ANKRD10: variants seen among roughly 807,000 people sequenced by gnomAD.
The protein encoded by ANKRD10 is ankyrin repeat domain 10, also known as ankyrin repeat domain-containing protein 10.
Under a neutral mutation model 27.0 loss-of-function variants are expected in ANKRD10, and 14 were observed. That is an observed-to-expected ratio of 0.52 (90% CI 0.34 to 0.81). The LOEUF (loss-of-function observed/expected upper bound fraction) is 0.81. Ranked by LOEUF, ANKRD10 falls within the 40% of genes least tolerant of loss-of-function variation. ANKRD10 has a pLI of 0.01. For synonymous variants in ANKRD10, 250 were observed against 224.5 expected (o/e 1.11, Z -1.01); for missense variants, 493 against 544.0 (o/e 0.91, Z 0.93).
At chr13:110,911,457 C>T (rs552895797) in intron 1 of ANKRD10, among the ~76,000 whole-genome samples, 1 of 142,388 alleles carries the variant, frequency 7.0e-6, no homozygotes, top group South Asian at 2.3e-4. Context: ...ATCTCAAACA[C>T]CAACACCACC....
chr13:110,887,848 T>G (rs1231452201), intron 4 of ANKRD10, among the ~76,000 whole-genome samples: 1 of 152,180 alleles, frequency 6.6e-6, no homozygotes, highest in African/African-American at 2.4e-5. Flanking sequence ...CTGTGGCCTT[T>G]CCACTGAACT....
In ANKRD10 at chr13:110,914,944, C is replaced by A. The variant is rs1005290964; in HGVS notation, c.-10G>T. 2.0e-6 allele frequency: 3 copies of A among 1,529,426 alleles called. No individual in the cohort carries two copies. The Admixed American group carries it at 5.9e-5, about 30-fold the overall frequency. 94.7% of individuals were successfully genotyped at this position (1,529,426 alleles called of 1,614,324 possible). On this transcript the variant is annotated 5_prime_UTR_variant, in exon 1 of 6. Coordinates refer to ENST00000267339, the MANE Select transcript of ANKRD10 (RefSeq NM_017664.4). ...CTCCCGCCGCCGACATGGTCCGTCA[C>A]CGGAGAGCGCGGGGCTCGCTGGCCT... is the stretch of plus-strand genomic sequence containing the variant.
rs572194492 is a variant in ANKRD10 at position 110,883,739 on chromosome 13, G to C, written c.746C>G (p.Ala249Gly). ...CTCCCTATCAACGTGCATTTTGTCA[G>C]CATCGTCTTCTGTGTCGCCATTCGT... ...PLTNGDTEDD[A>G]DKMHVDREFA... The change falls in exon 5 of 6, where the codon GCT becomes GGT. Residue 249 changes from alanine (A) to glycine (G), a missense_variant. Physicochemically the swap from Ala to Gly is moderately conservative, Grantham distance 60 (BLOSUM62 0). Transcript: ENST00000267339. 6.2e-7 allele frequency: 1 copy of C among 1,614,172 alleles called. No individual in the cohort carries two copies. The highest frequency in any genetic ancestry group is 1.3e-5 in the African/African-American group (1 of 75,040).
chr13:110,914,992 C>G lies in ANKRD10; in HGVS notation c.-58G>C, dbSNP rs934254646. On this transcript the variant is annotated 5_prime_UTR_variant, in exon 1 of 6. Coordinates refer to ENST00000267339, the MANE Select transcript of ANKRD10 (RefSeq NM_017664.4). ...CCTAGAGGACGCGTCGGGGAGGACT[C>G]GAGAAGCCGCCGCCGCAGCACAAAG... 7.4e-6 allele frequency: 11 copies of G among 1,492,360 alleles called. No homozygotes were observed. The highest frequency in any genetic ancestry group is 1.4e-5 in the African/African-American group (1 of 71,414). The allele number at this position is 1,492,360 out of a possible 1,614,324, so 92.4% of individuals were successfully genotyped here.
At chr13:110,887,491 G>A (rs529803272) in intron 4 of ANKRD10, among the ~76,000 whole-genome samples, 1 of 152,162 alleles carries the variant, frequency 6.6e-6, no homozygotes. Flanking sequence ...GCAGATACAT[G>A]TAAGGCTTAG....
At chr13:110,884,666 T>A (rs938086271) in intron 4 of ANKRD10, among the ~76,000 whole-genome samples, 1 of 152,248 alleles carries the variant, frequency 6.6e-6, no homozygotes, top group Non-Finnish European at 1.5e-5. Context: ...CCAAATTCCC[T>A]GCAGCTGTCT....
chr13:110,892,415 G>GAAAAAAAAAAAAAAAAAAAAAAAAAAA lies in ANKRD10; in HGVS notation c.691+612_691+613insTTTTTTTTTTTTTTTTTTTTTTTTTTT, dbSNP rs1381734881. 1.5e-3 allele frequency among the ~76,000 whole-genome samples: 4 copies of GAAAAAAAAAAAAAAAAAAAAAAAAAAA among 2,588 alleles called. 1 individual carries two copies. Among genetic ancestry groups the GAAAAAAAAAAAAAAAAAAAAAAAAAAA allele is most frequent in the African/African-American group, 4.9e-3 (1 of 204 alleles). The allele number at this position is 2,588 out of a possible 152,430, so 1.7% of individuals were successfully genotyped here. On this transcript the variant is annotated intron_variant, in intron 4 of 5. Transcript: ENST00000267339. ...ATTGCACTCCAGCCTGGGTGACAGA[G>GAAAAAAAAAAAAAAAAAAAAAAAAAAA]CAAAAAAAAAAAAAAAAAAAATGGT...
chr13:110,911,220 C>T (rs554655096), intron 1 of ANKRD10, among the ~76,000 whole-genome samples: 67 of 151,874 alleles, frequency 4.4e-4, no homozygotes, highest in Non-Finnish European at 8.8e-4. Context: ...GAGGCCAAGG[C>T]GGGTGGATCA....
intron 3 of ANKRD10, among the ~76,000 whole-genome samples, chr13:110,902,829 T>C (rs1368759890): frequency 6.6e-6 from 1 of 152,110 alleles, no homozygotes; most frequent in East Asian, 1.9e-4. Context: ...AATCTTTTTA[T>C]TTCTACTCAG....
In ANKRD10 at chr13:110,879,978, C is replaced by T. The variant is rs750935205; in HGVS notation, c.922G>A (p.Gly308Arg). ...RNGQCLTGTNGISSGLAPGQP... is the reference protein window; with the variant it reads ...RNGQCLTGTNRISSGLAPGQP... The stretch of plus-strand genomic sequence containing the variant: ...CCTGGGGCTAATCCACTGCTAATTC[C>T]GTTAGTTCCTGTCAAGCACTGGCCA... Residue 308 changes from glycine (G) to arginine (R), a missense_variant, in exon 6 of 6, where the codon GGA becomes AGA. Coordinates refer to ENST00000267339, the MANE Select transcript of ANKRD10 (RefSeq NM_017664.4). 21 of 1,614,182 alleles carry T rather than the reference C, an allele frequency of 1.3e-5. No homozygotes were observed. Among genetic ancestry groups the T allele is most frequent in the Admixed American group, 6.7e-5 (4 of 60,028 alleles).
intron 3 of ANKRD10, among the ~76,000 whole-genome samples, chr13:110,898,122 A>G (rs2065278022): frequency 1.3e-5 from 2 of 152,190 alleles, no homozygotes; most frequent in African/African-American, 4.8e-5. Context: ...CTGAGAGCGC[A>G]CTTAGCTGTA....
intron 2 of ANKRD10, among the ~76,000 whole-genome samples, chr13:110,908,624 T>A (rs988439839): frequency 6.6e-6 from 1 of 152,122 alleles, no homozygotes. Flanking sequence ...TGAGTTTATA[T>A]GAGAAATGAG....
chr13:110,885,420 T>C (rs890900814), intron 4 of ANKRD10, among the ~76,000 whole-genome samples: 3 of 151,646 alleles, frequency 2.0e-5, no homozygotes, highest in Non-Finnish European at 4.4e-5. Context: ...TGGTGGCGAG[T>C]GCCTGTAGTC....
chr13:110,890,164 A>G (rs2065037089), intron 4 of ANKRD10, among the ~76,000 whole-genome samples: 1 of 152,250 alleles, frequency 6.6e-6, no homozygotes, highest in Admixed American at 6.5e-5. Flanking sequence ...ATTACAACGA[A>G]AACTAAAGCA....
chr13:110,895,679 C>T (rs182525148), intron 3 of ANKRD10, among the ~76,000 whole-genome samples: 1 of 152,338 alleles, frequency 6.6e-6, no homozygotes. Flanking sequence ...ACATCCAAAG[C>T]ACATTCGATT....
Position 110,879,460 on chromosome 13 carries a change from C to T in ANKRD10, c.*177G>A. The T allele has an allele frequency of 1.6e-6, 1 of 607,040 alleles. No individual in the cohort carries two copies. The highest frequency in any genetic ancestry group is 2.9e-6 in the Non-Finnish European group (1 of 343,310). The allele number at this position is 607,040 out of a possible 1,614,324, so 37.6% of individuals were successfully genotyped here. A position where few individuals can be genotyped will look rare whatever the true frequency, so the allele number is the denominator to read the frequency against. On this transcript the variant is annotated 3_prime_UTR_variant, in exon 6 of 6. Coordinates refer to ENST00000267339, the MANE Select transcript of ANKRD10 (RefSeq NM_017664.4). Reference sequence around the variant, plus strand: ...TAGAAACATCTATGCACTTAGTAAGCCCTACTCATGCACAAACAAGCAGTT... The same window carrying T: ...TAGAAACATCTATGCACTTAGTAAGTCCTACTCATGCACAAACAAGCAGTT...
chr13:110,897,239 A>G (rs541039484), intron 3 of ANKRD10, among the ~76,000 whole-genome samples: 28 of 151,056 alleles, frequency 1.9e-4, no homozygotes, highest in African/African-American at 6.8e-4. Flanking sequence ...GATCCTCCTT[A>G]GCCTCAGCCT....
At chr13:110,885,541 C>A (rs2064906421) in intron 4 of ANKRD10, among the ~76,000 whole-genome samples, 1 of 150,682 alleles carries the variant, frequency 6.6e-6, no homozygotes, top group Non-Finnish European at 1.5e-5. Flanking sequence ...AGCGAGACTC[C>A]ATCTAAAAAA....
chr13:110,901,220 GT>G (rs1315873032), intron 3 of ANKRD10, among the ~76,000 whole-genome samples: 1 of 151,908 alleles, frequency 6.6e-6, no homozygotes, highest in African/African-American at 2.4e-5. Context: ...TAACCCTTTG[GT>G]ATCCAAACTC....
Sources: allele counts gnomAD v4.1 joint callset (sites outside exome capture counted in the v4.1 genomes callset), GRCh38; gene constraint gnomAD v4.1.1; transcripts MANE v1.5; gene names NCBI Gene and HGNC (gene_info 2026-07-23, HGNC 2026-07-21).